Variants in SACM1L observed in about 807,000 individuals in gnomAD.
SACM1L encodes the protein SAC1 like phosphatidylinositide phosphatase.
In SACM1L, 32 loss-of-function variants were observed where a neutral mutation model predicts 89.5. The observed-to-expected ratio is 0.36, with a 90% CI of 0.27 to 0.48. The LOEUF is 0.48. SACM1L is among the 20% of genes least tolerant of loss of function. The pLI, the probability that SACM1L is intolerant of heterozygous loss-of-function variation, is 0.99. For synonymous variants in SACM1L, 213 were observed against 232.8 expected (o/e 0.92, Z 0.77); for missense variants, 543 against 708.5 (o/e 0.77, Z 2.65).
At chr3:45,714,599 C>T (rs1241359450) in intron 7 of SACM1L, among the ~76,000 whole-genome samples, 1 of 152,054 alleles carries the variant, frequency 6.6e-6, no homozygotes, top group Non-Finnish European at 1.5e-5. Flanking sequence ...AAGTGAGACT[C>T]AGACACTAGT....
chr3:45,710,518 T>TA (rs1553652063), intron 5 of SACM1L, among the ~76,000 whole-genome samples: 5 of 139,496 alleles, frequency 3.6e-5, no homozygotes, highest in African/African-American at 1.3e-4. Context: ...TTTTTTTTTT[T>TA]AATATACAGT....
intron 9 of SACM1L, among the ~76,000 whole-genome samples, 194 bp downstream of exon 9, chr3:45,722,279 CTTAAA>C (rs1231823298): frequency 6.6e-6 from 1 of 152,012 alleles, no homozygotes; most frequent in Non-Finnish European, 1.5e-5. Context: ...ATTTCCTGCC[CTTAAA>C]TTAAATCCCT....
At chr3:45,711,034 G>T (rs1158180384) in intron 5 of SACM1L, among the ~76,000 whole-genome samples, 2 of 152,186 alleles carry the variant, frequency 1.3e-5, no homozygotes, top group African/African-American at 4.8e-5. Flanking sequence ...CCTACAGTCT[G>T]CTGGGGAAGT....
rs370608172 is a variant in SACM1L, at chr3:45,744,614, A to G, written c.*945A>G. ...TACTCTTGATGTTTTTCACTCTGTC[A>G]AGGATTTTGTTGGCTATCAATGAAT... is the stretch of plus-strand genomic sequence containing the variant. On this transcript the variant is annotated 3_prime_UTR_variant, in exon 20 of 20. Coordinates refer to ENST00000389061, the MANE Select transcript of SACM1L (RefSeq NM_014016.5). 1.3e-5 allele frequency: 2 copies of G among 152,728 alleles called. No individual in the cohort carries two copies. The highest frequency in any genetic ancestry group is 2.1e-4 in the South Asian group (1 of 4,830). 9.5% of individuals were successfully genotyped at this position (152,728 alleles called of 1,614,324 possible).
At chr3:45,742,266 A>C (rs1699332630) in intron 19 of SACM1L, among the ~76,000 whole-genome samples, 1 of 152,222 alleles carries the variant, frequency 6.6e-6, no homozygotes, top group Middle Eastern at 3.2e-3. Flanking sequence ...TTTTGAGTAA[A>C]AAGAGATTGG....
intron 5 of SACM1L, among the ~76,000 whole-genome samples, chr3:45,711,572 A>G (rs1353315270): frequency 6.6e-6 from 1 of 152,044 alleles, no homozygotes; most frequent in Admixed American, 6.6e-5. Flanking sequence ...GTGTGCTGTC[A>G]TCACGCCACT....
intron 1 of SACM1L, among the ~76,000 whole-genome samples, chr3:45,692,194 A>G (rs1345006253): frequency 6.6e-6 from 1 of 152,182 alleles, no homozygotes; most frequent in African/African-American, 2.4e-5. Context: ...ATGGATTCAT[A>G]TCTTAACTTG....
chr3:45,719,919 G>C (rs73830458), intron 8 of SACM1L, among the ~76,000 whole-genome samples: 3,842 of 152,220 alleles, frequency 0.025, 177 homozygotes, highest in African/African-American at 0.086. Flanking sequence ...GTATTTTCTT[G>C]TATTGCTTTT....
chr3:45,744,637 A>G lies in SACM1L; in HGVS notation c.*968A>G, dbSNP rs1210742115. The G allele has an allele frequency of 6.6e-6, 1 of 152,662 alleles. No homozygotes were observed. The highest frequency in any genetic ancestry group is 2.4e-5 in the African/African-American group (1 of 41,448). 9.5% of individuals were successfully genotyped at this position (152,662 alleles called of 1,614,324 possible). A position where few individuals can be genotyped will look rare whatever the true frequency, so the allele number is the denominator to read the frequency against. On this transcript the variant is annotated 3_prime_UTR_variant, in exon 20 of 20. Transcript: ENST00000389061. ...TCAAGGATTTTGTTGGCTATCAATGAATGTGTCTAAAACTTAGTGCTTCCA... is the reference window on the plus strand; with the variant it reads ...TCAAGGATTTTGTTGGCTATCAATGGATGTGTCTAAAACTTAGTGCTTCCA...
chr3:45,692,716 A>G (rs1332132532), intron 1 of SACM1L, among the ~76,000 whole-genome samples: 1 of 152,216 alleles, frequency 6.6e-6, no homozygotes, highest in East Asian at 1.9e-4. Context: ...ACAGTTTTTA[A>G]AGCCAAAAAT....
chr3:45,706,938 C>A (rs373886207), intron 4 of SACM1L, 31 bp downstream of exon 4: 1 of 1,605,612 alleles, frequency 6.2e-7, no homozygotes, highest in Non-Finnish European at 8.5e-7. Context: ...CTAATTGCAG[C>A]GCCCAAAGAA....
chr3:45,699,770 C>T (rs1559536521), intron 1 of SACM1L, among the ~76,000 whole-genome samples: 4 of 152,218 alleles, frequency 2.6e-5, no homozygotes, highest in African/African-American at 9.6e-5. Flanking sequence ...GATCTGCCCG[C>T]TTCCACCTCC....
At chr3:45,702,648 T>C (rs1277707479) in intron 1 of SACM1L, among the ~76,000 whole-genome samples, 1 of 152,212 alleles carries the variant, frequency 6.6e-6, no homozygotes, top group Non-Finnish European at 1.5e-5. Context: ...TCTGTTAATA[T>C]TTTGTATATC....
chr3:45,701,752 C>T (rs780672685), intron 1 of SACM1L, among the ~76,000 whole-genome samples: 2 of 152,164 alleles, frequency 1.3e-5, no homozygotes, highest in African/African-American at 2.4e-5. Context: ...AACGTTTCCT[C>T]GTGCCTGTAA....
rs376112850 is a variant in SACM1L, at chr3:45,735,350, C to T, written c.1216C>T (p.Arg406Cys). 4.5e-6 allele frequency: 7 copies of T among 1,572,730 alleles called. No individual in the cohort carries two copies. The highest frequency in any genetic ancestry group is 3.6e-5 in the South Asian group (3 of 84,024). ...TGTGATCCAGAGTTTGTTAGCTCGT[C>T]GTTCACTTCAGGCCCAACTTCAGGT... ...TNVIQSLLARRSLQAQLQRLG... is the reference protein window; with the variant it reads ...TNVIQSLLARCSLQAQLQRLG... The change falls in exon 14 of 20, where the codon CGT becomes TGT. Residue 406 changes from arginine (R) to cysteine (C), a missense_variant. Around this residue, in one of 2 missense-constraint regions of SACM1L, gnomAD observed 370 missense variants for 527.6 expected, o/e 0.70. Coordinates refer to ENST00000389061, the MANE Select transcript of SACM1L (RefSeq NM_014016.5).
chr3:45,689,920 A>G (rs773526361), intron 1 of SACM1L: 2 of 204,010 alleles, frequency 9.8e-6, no homozygotes, highest in Non-Finnish European at 2.0e-5. Flanking sequence ...CTACGCACAA[A>G]TCAACAAATC....
intron 7 of SACM1L, among the ~76,000 whole-genome samples, chr3:45,714,613 G>C (rs1698606832): frequency 6.6e-6 from 1 of 151,960 alleles, no homozygotes; most frequent in African/African-American, 2.4e-5. Flanking sequence ...CACTAGTGTG[G>C]GTAACAAGTT....
chr3:45,717,661 A>G (rs1698691374), intron 7 of SACM1L, among the ~76,000 whole-genome samples: 1 of 152,248 alleles, frequency 6.6e-6, no homozygotes, highest in African/African-American at 2.4e-5. Context: ...AACCTAAACA[A>G]ATGTGGAAGG....
At position 45,743,917 on chromosome 3, in the gene SACM1L, C is replaced by G. The variant is rs1575416336; in HGVS notation, c.*248C>G. 4 of 325,622 alleles carry G rather than the reference C, an allele frequency of 1.2e-5. No individual in the cohort carries two copies. In the East Asian group the frequency reaches 1.5e-4, roughly 12 times the overall value. 20.2% of individuals were successfully genotyped at this position (325,622 alleles called of 1,614,324 possible). A position where few individuals can be genotyped will look rare whatever the true frequency, so the allele number is the denominator to read the frequency against. The stretch of plus-strand genomic sequence containing the variant: ...TAATTAAAATATAACCTGAATTCAG[C>G]TTGCAGAATGGAAGCTGAATCTGTT... On this transcript the variant is annotated 3_prime_UTR_variant, in exon 20 of 20. Coordinates refer to ENST00000389061, the MANE Select transcript of SACM1L (RefSeq NM_014016.5).
Sources: gnomAD v4.1 joint callset for allele counts (sites outside exome capture counted in the v4.1 genomes callset) on GRCh38, gnomAD v4.1.1 for gene constraint, gnomAD v4.1.1 regional missense constraint, MANE v1.5 for transcripts, NCBI Gene and HGNC (gene_info 2026-07-23, HGNC 2026-07-21) for gene names.